The following LIN54 variants were observed in gnomAD, a reference collection of about 807,000 sequenced individuals.
LIN54 encodes the protein lin-54 DREAM MuvB core complex component.
Under a neutral mutation model 78.7 loss-of-function variants are expected in LIN54, and 9 were observed. The ratio of observed to expected loss-of-function variants is 0.11; its 90% CI spans 0.07 to 0.20. The LOEUF (loss-of-function observed/expected upper bound fraction) is 0.20. Ranked by LOEUF, LIN54 falls within the 10% of genes least tolerant of loss-of-function variation. The pLI is 1.00. For synonymous variants in LIN54, 269 were observed against 318.4 expected, an observed-to-expected ratio of 0.84 and a Z score of 1.65; for missense variants, 573 against 889.9, an observed-to-expected ratio of 0.64 and a Z score of 4.53.
At position 82,964,817 on chromosome 4, in the gene LIN54, G is replaced by C. The variant is rs564239864; in HGVS notation, c.951+5510C>G. Among the ~76,000 whole-genome samples the C allele has an allele frequency of 9.0e-4, 137 of 152,248 alleles. 1 individual carries two copies. The highest frequency in any genetic ancestry group is 3.2e-3 in the African/African-American group (133 of 41,550). Reference sequence around the variant, plus strand: ...GAGTTGGGTAGATCACTTGAGGTCAGCCTAGCCAACATGGCGAAACTACAT... The same window carrying C: ...GAGTTGGGTAGATCACTTGAGGTCACCCTAGCCAACATGGCGAAACTACAT... On this transcript the variant is annotated intron_variant, in intron 4 of 12. Transcript: ENST00000340417.
Position 83,006,602 on chromosome 4 carries a change from C to A in LIN54, c.-33+3882G>T, listed in dbSNP as rs552676228. Among the ~76,000 whole-genome samples the A allele has an allele frequency of 1.7e-3, 10 of 5,822 alleles. No individual in the cohort carries two copies. The South Asian group carries it at 0.13, about 75-fold the overall frequency. The allele number at this position is 5,822 out of a possible 152,430, so 3.8% of individuals were successfully genotyped here. On this transcript the variant is annotated intron_variant, in intron 1 of 12. Transcript: ENST00000340417. ...GTATGCCTTGAATCTAAAATAAAAG[C>A]TGAAAAAAAAAGGTGAATTCCAAAT...
intron 1 of LIN54, among the ~76,000 whole-genome samples, chr4:82,992,097 T>C (rs1205148323): frequency 6.6e-6 from 1 of 152,202 alleles, no homozygotes; most frequent in African/African-American, 2.4e-5. Flanking sequence ...AGCTTCCTTG[T>C]GGGAAGGTTT....
At chr4:82,939,448 A>G in intron 7 of LIN54, 91 bp downstream of exon 7, 1 of 1,053,174 alleles carries the variant, frequency 9.5e-7, no homozygotes, top group Non-Finnish European at 1.5e-6. Context: ...ATACTGAGTT[A>G]GATGTGTTTG....
intron 3 of LIN54, among the ~76,000 whole-genome samples, chr4:82,977,585 GA>G (rs1726265922): frequency 6.6e-6 from 1 of 152,116 alleles, no homozygotes; most frequent in African/African-American, 2.4e-5. Flanking sequence ...AAAGCCTCAG[GA>G]AAATGACAAG....
chr4:82,936,280 T>C lies in LIN54; in HGVS notation c.1706A>G (p.Lys569Arg). ...TTAAATGAAATAAAAAATAATCACCTTTATTGCTTTTTGCCTTTCATTTTC... is the reference window on the plus strand; with the variant it reads ...TTAAATGAAATAAAAAATAATCACCCTTATTGCTTTTTGCCTTTCATTTTC... ...EHENERQKAI[K>R]ACLDRNPEAF... The change falls in exon 10 of 13, where the codon AAG becomes AGG. Residue 569 changes from lysine to arginine, a missense_variant and splice_region_variant. Lys to Arg is a conservative substitution (Grantham distance 26). This residue lies in a region of LIN54 where 101 missense variants were observed against 194.2 expected (regional missense o/e 0.52). Coordinates refer to ENST00000340417, the MANE Select transcript of LIN54 (RefSeq NM_194282.4). The C allele has an allele frequency of 1.9e-6, 3 of 1,553,308 alleles. No homozygotes were observed. Among genetic ancestry groups the C allele is most frequent in the Admixed American group, 1.9e-5 (1 of 53,692 alleles).
chr4:82,946,062 CTG>C (rs553990508), intron 5 of LIN54, among the ~76,000 whole-genome samples, 194 bp downstream of exon 5: 150 of 152,324 alleles, frequency 9.8e-4, no homozygotes, highest in Non-Finnish European at 1.2e-3. Flanking sequence ...TAATACCACA[CTG>C]TGTACCAACA....
intron 11 of LIN54, among the ~76,000 whole-genome samples, chr4:82,932,505 C>T (rs1461970701): frequency 6.6e-6 from 1 of 151,564 alleles, no homozygotes; most frequent in East Asian, 1.9e-4. Flanking sequence ...TTCCCTCCAA[C>T]AATGAATATT....
chr4:82,984,013 TA>T (rs780181746), intron 2 of LIN54, 147 bp downstream of exon 2: 7 of 627,716 alleles, frequency 1.1e-5, no homozygotes, highest in Non-Finnish European at 1.6e-5. Context: ...ATATCAAACT[TA>T]AAAACACACA....
intron 5 of LIN54, among the ~76,000 whole-genome samples, chr4:82,942,890 A>C (rs55957664): frequency 0.38 from 52,090 of 137,300 alleles, 11,725 homozygotes; most frequent in Admixed American, 0.54. Flanking sequence ...ACACACACAC[A>C]CACCCTCCCT....
At chr4:82,949,976 G>T (rs1378186839) in intron 4 of LIN54, among the ~76,000 whole-genome samples, 1 of 151,196 alleles carries the variant, frequency 6.6e-6, no homozygotes, top group Admixed American at 6.6e-5. Flanking sequence ...CTCCCAAGTA[G>T]CTGGGATTAC....
At chr4:82,982,134 A>C (rs1208128673) in intron 2 of LIN54, among the ~76,000 whole-genome samples, 2 of 152,202 alleles carry the variant, frequency 1.3e-5, no homozygotes, top group Non-Finnish European at 2.9e-5. Context: ...GAGAAATAAT[A>C]GATACAAGCA....
chr4:82,941,153 T>G (rs1204173585), intron 5 of LIN54, among the ~76,000 whole-genome samples: 3 of 144,000 alleles, frequency 2.1e-5, no homozygotes, highest in Non-Finnish European at 3.0e-5. Flanking sequence ...TAAGAGGATA[T>G]ATATATATAT....
intron 4 of LIN54, among the ~76,000 whole-genome samples, chr4:82,947,633 T>C (rs1001260920): frequency 6.6e-6 from 1 of 152,106 alleles, no homozygotes; most frequent in African/African-American, 2.4e-5. Context: ...CAAAAGGCAA[T>C]GGGAATTCCC....
chr4:82,924,902 C>T lies in LIN54; in HGVS notation c.*3200G>A, dbSNP rs908879638. The T allele has an allele frequency of 5.2e-5, 8 of 152,686 alleles. No homozygotes were observed. The East Asian group carries it at 1.5e-3, about 29-fold the overall frequency. 9.5% of individuals were successfully genotyped at this position (152,686 alleles called of 1,614,324 possible). A position where few individuals can be genotyped will look rare whatever the true frequency, so the allele number is the denominator to read the frequency against. On this transcript the variant is annotated 3_prime_UTR_variant, in exon 13 of 13. Transcript: ENST00000340417. ...TATGGCCGGAGGTCCTGCTGTGAAG[C>T]TTCATTTACATAACAAGTATTCATT...
intron 4 of LIN54, among the ~76,000 whole-genome samples, chr4:82,947,012 C>A (rs187343824): frequency 6.6e-6 from 1 of 151,468 alleles, no homozygotes; most frequent in Non-Finnish European, 1.5e-5. Context: ...CCTCAGCCCC[C>A]CAAAGTGCTG....
At chr4:82,998,267 AG>A (rs1728411019) in intron 1 of LIN54, among the ~76,000 whole-genome samples, 1 of 151,706 alleles carries the variant, frequency 6.6e-6, no homozygotes, top group Non-Finnish European at 1.5e-5. Context: ...AATCTGGGAC[AG>A]GTGCAGTGGC....
upstream of LIN54, chr4:83,010,889 C>T: frequency 1.1e-5 from 13 of 1,135,772 alleles, no homozygotes; most frequent in Non-Finnish European, 1.3e-5. Flanking sequence ...CCCACATATC[C>T]GGGGAAGCCT....
At chr4:82,938,118 C>G (rs112343174) in intron 8 of LIN54, among the ~76,000 whole-genome samples, 185 of 152,068 alleles carry the variant, frequency 1.2e-3, no homozygotes, top group Middle Eastern at 6.8e-3. Context: ...AGAGCAAGAC[C>G]TTGTCTTGAA....
At chr4:82,990,632 C>T (rs922442752) in intron 1 of LIN54, among the ~76,000 whole-genome samples, 9 of 151,978 alleles carry the variant, frequency 5.9e-5, no homozygotes, top group Admixed American at 1.3e-4. Flanking sequence ...TACGGGCGCC[C>T]GCCACCACGC....
Sources: allele counts gnomAD v4.1 joint callset (sites outside exome capture counted in the v4.1 genomes callset), GRCh38; gene constraint gnomAD v4.1.1; regional missense constraint gnomAD v4.1.1; transcripts MANE v1.5; gene names NCBI Gene and HGNC (gene_info 2026-07-23, HGNC 2026-07-21).